The following PTPRD variants were observed in gnomAD, a reference collection of about 807,000 sequenced individuals.
PTPRD encodes the protein receptor-type tyrosine-protein phosphatase delta.
In PTPRD, 34 loss-of-function variants were observed where a neutral mutation model predicts 214.5. The observed-to-expected ratio is 0.16, with a 90% CI of 0.12 to 0.21. PTPRD has a LOEUF of 0.21. PTPRD is among the 10% of genes least tolerant of loss of function. PTPRD has a pLI of 1.00. For synonymous variants in PTPRD, 1,128 were observed against 845.7 expected (o/e 1.33, Z -5.79); for missense variants, 2,545 against 2,398.7 (o/e 1.06, Z -1.27).
intron 14 of PTPRD, among the ~76,000 whole-genome samples, chr9:8,571,051 C>T (rs1279732135): frequency 6.6e-6 from 1 of 151,998 alleles, no homozygotes; most frequent in African/African-American, 2.4e-5. Flanking sequence ...CCACTGAGTG[C>T]CCACAGGTAT....
At chr9:10,506,786 T>C (rs926674123) in intron 2 of PTPRD, among the ~76,000 whole-genome samples, 5 of 152,158 alleles carry the variant, frequency 3.3e-5, no homozygotes, top group East Asian at 1.9e-4. Flanking sequence ...TTTTAGAATG[T>C]ATTTTTGTAA....
chr9:10,607,707 A>C (rs1436089718), intron 2 of PTPRD, among the ~76,000 whole-genome samples: 1 of 151,964 alleles, frequency 6.6e-6, no homozygotes, highest in African/African-American at 2.4e-5. Flanking sequence ...AAAGTTTCCA[A>C]TTTCATCAGT....
chr9:9,725,054 G>C (rs1346565564), intron 7 of PTPRD, among the ~76,000 whole-genome samples: 1 of 152,122 alleles, frequency 6.6e-6, no homozygotes, highest in Non-Finnish European at 1.5e-5. Context: ...GCATAAGTGG[G>C]GAGAGCTGGT....
chr9:9,488,329 T>C (rs1398105797), intron 8 of PTPRD, among the ~76,000 whole-genome samples: 2 of 152,190 alleles, frequency 1.3e-5, no homozygotes, highest in Non-Finnish European at 2.9e-5. Context: ...CTACAATTTC[T>C]TTTGCTGCTT....
intron 11 of PTPRD, among the ~76,000 whole-genome samples, chr9:8,798,347 A>G (rs9299075): frequency 0.72 from 109,110 of 152,016 alleles, 39,212 homozygotes; most frequent in Middle Eastern, 0.81. Context: ...ATTTTTTAAC[A>G]GTTTAAATCA....
At position 9,319,038 on chromosome 9, in the gene PTPRD, T is replaced by C. The variant is rs1427795563; in HGVS notation, c.-203+78411A>G. ...GTAAGCTTTCCTCAAACAGCAGTGA[T>C]TGCTTTCAAGTTCCTGAACAGGCTG... On this transcript the variant is annotated intron_variant, in intron 9 of 45. Transcript: ENST00000381196. 2.0e-5 allele frequency among the ~76,000 whole-genome samples: 3 copies of C among 152,228 alleles called. No homozygotes were observed. In the East Asian group the frequency reaches 5.8e-4, roughly 29 times the overall value.
chr9:8,862,751 TAAGAA>T (rs1439885321), intron 11 of PTPRD, among the ~76,000 whole-genome samples: 1 of 152,214 alleles, frequency 6.6e-6, no homozygotes, highest in African/African-American at 2.4e-5. Context: ...CTGTCCTCTT[TAAGAA>T]AAGAAATCCA....
intron 5 of PTPRD, among the ~76,000 whole-genome samples, chr9:9,822,224 A>G (rs1402106509): frequency 4.6e-5 from 7 of 150,664 alleles, no homozygotes; most frequent in Non-Finnish European, 8.9e-5. Context: ...CATCCTGGCC[A>G]ACATGGTGAA....
At chr9:10,539,771 G>T (rs1168689890) in intron 2 of PTPRD, among the ~76,000 whole-genome samples, 3 of 152,140 alleles carry the variant, frequency 2.0e-5, no homozygotes, top group Non-Finnish European at 1.5e-5. Context: ...CCGCTTTGGA[G>T]GCGGACCTCC....
intron 6 of PTPRD, among the ~76,000 whole-genome samples, chr9:9,737,144 A>G (rs1190280675): frequency 1.3e-5 from 2 of 152,072 alleles, no homozygotes; most frequent in Non-Finnish European, 2.9e-5. Context: ...AAATTTATTG[A>G]AAATATGACA....
chr9:8,505,984 A>C (rs1349568615), intron 22 of PTPRD, among the ~76,000 whole-genome samples: 1 of 152,234 alleles, frequency 6.6e-6, no homozygotes, highest in Non-Finnish European at 1.5e-5. Context: ...TCATATCTGC[A>C]TTTCAACTAT....
intron 2 of PTPRD, among the ~76,000 whole-genome samples, chr9:10,520,497 G>A (rs573675373): frequency 1.3e-5 from 2 of 152,282 alleles, no homozygotes; most frequent in South Asian, 2.1e-4. Context: ...TAGAAGCTAC[G>A]GCAAGTTATC....
intron 3 of PTPRD, among the ~76,000 whole-genome samples, chr9:10,251,046 G>A (rs569851812): frequency 1.3e-5 from 2 of 152,078 alleles, no homozygotes; most frequent in South Asian, 4.2e-4. Context: ...GAATTAGAGG[G>A]CTACATAGGG....
At chr9:9,530,693 C>T (rs1199086847) in intron 8 of PTPRD, among the ~76,000 whole-genome samples, 1 of 152,208 alleles carries the variant, frequency 6.6e-6, no homozygotes, top group Non-Finnish European at 1.5e-5. Context: ...CAATGAAATA[C>T]TATTATGATG....
intron 11 of PTPRD, among the ~76,000 whole-genome samples, chr9:8,881,513 G>A (rs938049261): frequency 2.0e-5 from 3 of 152,234 alleles, no homozygotes; most frequent in Non-Finnish European, 4.4e-5. Context: ...GTAATGGAAG[G>A]GGTTTACTAT....
intron 39 of PTPRD, among the ~76,000 whole-genome samples, chr9:8,357,588 C>T (rs1365967697): frequency 6.6e-6 from 1 of 152,126 alleles, no homozygotes; most frequent in African/African-American, 2.4e-5. Context: ...ATGTGGTGAG[C>T]AGGGAAGAAC....
intron 10 of PTPRD, among the ~76,000 whole-genome samples, chr9:9,126,624 C>T (rs551545318): frequency 6.6e-6 from 1 of 152,098 alleles, no homozygotes; most frequent in East Asian, 1.9e-4. Flanking sequence ...TTAATGAAAA[C>T]AAGATAGTCA....
At chr9:8,911,563 T>C (rs918111751) in intron 11 of PTPRD, among the ~76,000 whole-genome samples, 2 of 152,120 alleles carry the variant, frequency 1.3e-5, no homozygotes, top group African/African-American at 4.8e-5. Context: ...ATCTATACTA[T>C]TTTTAGAAGG....
intron 10 of PTPRD, among the ~76,000 whole-genome samples, chr9:9,030,758 C>A (rs1355415238): frequency 6.6e-6 from 1 of 151,890 alleles, no homozygotes; most frequent in Non-Finnish European, 1.5e-5. Context: ...ATTAATTCAA[C>A]AAGGTGCTAA....
Sources: allele counts gnomAD v4.1 joint callset (sites outside exome capture counted in the v4.1 genomes callset), GRCh38; gene constraint gnomAD v4.1.1; transcripts MANE v1.5; gene names NCBI Gene and HGNC (gene_info 2026-07-23, HGNC 2026-07-21).